UBA2: variants seen among roughly 807,000 people sequenced by gnomAD.
UBA2 encodes the protein ubiquitin like modifier activating enzyme 2.
A neutral mutation model predicts 77.2 loss-of-function variants in UBA2; 11 were observed. The ratio of observed to expected loss-of-function variants is 0.14; its 90% CI spans 0.09 to 0.24. The LOEUF (loss-of-function observed/expected upper bound fraction) is 0.24. Among genes scored for constraint, UBA2 ranks in the 10% least tolerant of loss-of-function variants. The pLI is 1.00. For synonymous variants in UBA2, 278 were observed against 276.7 expected (o/e 1.00, Z -0.05); for missense variants, 487 against 781.7 (o/e 0.62, Z 4.50).
Position 34,470,756 on chromosome 19 carries a change from T to A in UBA2, c.*1535T>A, listed in dbSNP as rs2145578750. On this transcript the variant is annotated 3_prime_UTR_variant, in exon 17 of 17. Transcript: ENST00000246548. ...CCAGGCTGGTCTGGAACTCCTGACCTCGTGATCCACCTGCCTCAGCCTCCC... is the reference window on the plus strand; with the variant it reads ...CCAGGCTGGTCTGGAACTCCTGACCACGTGATCCACCTGCCTCAGCCTCCC... The A allele has an allele frequency of 6.6e-6, 1 of 152,334 alleles. No individual in the cohort carries two copies. The allele number at this position is 152,334 out of a possible 1,614,324, so 9.4% of individuals were successfully genotyped here. A position where few individuals can be genotyped will look rare whatever the true frequency, so the allele number is the denominator to read the frequency against.
intron 10 of UBA2, among the ~76,000 whole-genome samples, chr19:34,453,649 G>A (rs1028300572): frequency 5.9e-5 from 9 of 151,284 alleles, no homozygotes; most frequent in African/African-American, 1.5e-4. Context: ...TCAGGCTCCC[G>A]AGTACCTGGG....
chr19:34,451,024 G>T (rs2075488735), intron 9 of UBA2, among the ~76,000 whole-genome samples: 1 of 152,000 alleles, frequency 6.6e-6, no homozygotes, highest in Non-Finnish European at 1.5e-5. Context: ...GCATAGTCTT[G>T]CTATGTTGCC....
At chr19:34,431,250 T>TC (rs2075250966) in intron 2 of UBA2, among the ~76,000 whole-genome samples, 2 of 132,836 alleles carry the variant, frequency 1.5e-5, no homozygotes, top group Non-Finnish European at 3.2e-5. Flanking sequence ...TTTTCTTTTT[T>TC]TTTTTTTTTT....
chr19:34,443,502 T>G (rs1472377324), intron 6 of UBA2, among the ~76,000 whole-genome samples: 1 of 151,466 alleles, frequency 6.6e-6, no homozygotes, highest in Admixed American at 6.6e-5. Flanking sequence ...AGTGCAGTTG[T>G]GCAGTCTCGG....
chr19:34,433,459 C>G, intron 4 of UBA2, 47 bp downstream of exon 4: 1 of 1,234,142 alleles, frequency 8.1e-7, no homozygotes. Context: ...TCCTCTCTCC[C>G]ATATCAAATT....
chr19:34,458,558 CAAAAAAAAAAAAAAAAAAAAAA>C (rs60349858), intron 12 of UBA2, among the ~76,000 whole-genome samples, 189 bp from the exon 13 acceptor site: 1 of 60,616 alleles, frequency 1.6e-5, no homozygotes, highest in Non-Finnish European at 2.7e-5. Context: ...GACTCCGTCT[CAAAAAAAAAAAAAAAAAAAAAA>C]AAAAAAAAAA....
At chr19:34,430,306 CTGAA>C in intron 1 of UBA2, 1 of 316,186 alleles carries the variant, frequency 3.2e-6, no homozygotes, top group South Asian at 8.1e-5. Flanking sequence ...AGGGAGTTTC[CTGAA>C]ATATTTTCCA....
chr19:34,428,688 G>C, intron 1 of UBA2, 118 bp downstream of exon 1: 3 of 1,214,304 alleles, frequency 2.5e-6, no homozygotes, highest in Non-Finnish European at 3.1e-6. Flanking sequence ...CCGGAGTTGC[G>C]GAGCGGGGGC....
intron 1 of UBA2, chr19:34,428,964 C>T (rs1332631071): frequency 2.0e-6 from 2 of 986,430 alleles, no homozygotes. Context: ...CCTGTCGTAA[C>T]TCCGAAGTAA....
At chr19:34,444,529 A>G (rs2075407479) in intron 7 of UBA2, among the ~76,000 whole-genome samples, 2 of 152,194 alleles carry the variant, frequency 1.3e-5, no homozygotes, top group African/African-American at 2.4e-5. Context: ...ACAACAGGCC[A>G]GGCAAGGTGG....
chr19:34,455,746 C>T (rs1322816676), intron 12 of UBA2, among the ~76,000 whole-genome samples: 2 of 152,134 alleles, frequency 1.3e-5, no homozygotes, highest in South Asian at 2.1e-4. Flanking sequence ...CAGGATCAAG[C>T]GATTCTCCTG....
intron 12 of UBA2, among the ~76,000 whole-genome samples, chr19:34,458,157 C>G (rs1309711160): frequency 2.6e-5 from 4 of 152,184 alleles, no homozygotes; most frequent in African/African-American, 9.7e-5. Flanking sequence ...CATGCCTGTG[C>G]CCTTACTCTT....
chr19:34,468,994 T>A, intron 16 of UBA2, 46 bp from the exon 17 acceptor site: 1 of 1,518,558 alleles, frequency 6.6e-7, no homozygotes, highest in Non-Finnish European at 8.9e-7. Context: ...CACAGGTAAC[T>A]CCCACGCTTT....
At chr19:34,461,945 A>G (rs1205437282) in intron 14 of UBA2, among the ~76,000 whole-genome samples, 3 of 152,194 alleles carry the variant, frequency 2.0e-5, no homozygotes, top group African/African-American at 7.2e-5. Flanking sequence ...CCCTGGACAA[A>G]GAAGAGAGCA....
chr19:34,444,239 G>T lies in UBA2; in HGVS notation c.649+328G>T, dbSNP rs967461218. 2.6e-5 allele frequency among the ~76,000 whole-genome samples: 4 copies of T among 151,944 alleles called. No individual in the cohort carries two copies. The East Asian group carries it at 5.9e-4, about 22-fold the overall frequency. ...CGCCCAGCTAATTTTTGTATATTTA[G>T]TAGAGACAGGGTTTCACCATGTTAG... is the stretch of plus-strand genomic sequence containing the variant. On this transcript the variant is annotated intron_variant, in intron 7 of 16. Coordinates refer to ENST00000246548, the MANE Select transcript of UBA2 (RefSeq NM_005499.3).
intron 12 of UBA2, among the ~76,000 whole-genome samples, chr19:34,455,986 G>A (rs8108760): frequency 0.88 from 132,488 of 151,296 alleles, 58,254 homozygotes; most frequent in Non-Finnish European, 0.92. Context: ...TATGTTGTCC[G>A]GGTTGGTCCT....
intron 8 of UBA2, among the ~76,000 whole-genome samples, chr19:34,449,149 ACT>A (rs889625019): frequency 3.0e-5 from 4 of 132,944 alleles, no homozygotes; most frequent in African/African-American, 1.2e-4. Flanking sequence ...AGCTGACTGC[ACT>A]CTCCGCCTCC....
intron 10 of UBA2, among the ~76,000 whole-genome samples, chr19:34,452,831 GA>G (rs1281800308): frequency 1.3e-5 from 2 of 152,150 alleles, no homozygotes; most frequent in African/African-American, 4.8e-5. Flanking sequence ...TACATATTTT[GA>G]AACTTTGGTT....
rs879532353 is a variant in UBA2, at chr19:34,468,850, AAAAT to A, written c.1742-184_1742-181del. 8.2e-4 allele frequency among the ~76,000 whole-genome samples: 125 copies of A among 152,358 alleles called. 3 individuals carry two copies. Among genetic ancestry groups the A allele is most frequent in the Non-Finnish European group, 5.9e-5 (4 of 68,036 alleles). ...TGTCACAATTTTTTGTTTTGATTAG[AAAAT>A]AAATAGGTTCTTATATAAAACATTT... On this transcript the variant is annotated intron_variant, in intron 16 of 16. Coordinates refer to ENST00000246548, the MANE Select transcript of UBA2 (RefSeq NM_005499.3).
Sources: allele counts gnomAD v4.1 joint callset (sites outside exome capture counted in the v4.1 genomes callset), GRCh38; gene constraint gnomAD v4.1.1; transcripts MANE v1.5; gene names NCBI Gene and HGNC (gene_info 2026-07-23, HGNC 2026-07-21).